PPP2R2A: variants seen among roughly 807,000 people sequenced by gnomAD.
The protein encoded by PPP2R2A is protein phosphatase 2 regulatory subunit Balpha.
In PPP2R2A, 9 loss-of-function variants were observed where a neutral mutation model predicts 53.2. That is an observed-to-expected ratio of 0.17 (90% CI 0.10 to 0.30). The LOEUF is 0.30. Ranked by LOEUF, PPP2R2A falls within the 10% of genes least tolerant of loss-of-function variation. The pLI is 1.00. For missense variants in PPP2R2A, 235 were observed against 534.6 expected (o/e 0.44, Z 5.53); for synonymous variants, 169 against 174.2 (o/e 0.97, Z 0.23).
intron 3 of PPP2R2A, among the ~76,000 whole-genome samples, chr8:26,348,235 A>C (rs1236759355): frequency 6.6e-6 from 1 of 152,190 alleles, no homozygotes; most frequent in African/African-American, 2.4e-5. Flanking sequence ...ATTTTCTTAA[A>C]TTTTTAAATT....
Position 26,354,536 on chromosome 8 carries a change from G to A in PPP2R2A, c.249G>A (p.Glu83=). ...VYSTFQSHEP[E]FDYLKSLEIE... is the part of the protein sequence containing the mutation. The stretch of plus-strand genomic sequence containing the variant: ...GCACCTTCCAGAGCCATGAACCAGA[G>A]TTTGACTACTTGAAAAGTTTAGAAA... Residue 83 remains glutamate (E), a synonymous_variant, in exon 4 of 10, where the codon GAG becomes GAA. Coordinates refer to ENST00000380737, the MANE Select transcript of PPP2R2A (RefSeq NM_002717.4). The surrounding 1 kb of genome is among the most constrained non-coding windows in gnomAD (Gnocchi z 4.6). The A allele has an allele frequency of 6.2e-7, 1 of 1,609,634 alleles. No individual in the cohort carries two copies. Among genetic ancestry groups the A allele is most frequent in the Non-Finnish European group, 8.5e-7 (1 of 1,176,998 alleles).
Position 26,293,922 on chromosome 8 carries a change from C to T in PPP2R2A, c.82+182C>T, listed in dbSNP as rs565781985. The stretch of plus-strand genomic sequence containing the variant: ...AGCCTTAAATTTCATTTGTTATTTA[C>T]GCCTTGTTTTTATTATTTTTTCCTC... On this transcript the variant is annotated intron_variant, in intron 2 of 9. Transcript: ENST00000380737. The T allele has an allele frequency of 1.9e-3, 1,116 of 595,814 alleles. 5 individuals carry two copies. Among genetic ancestry groups the T allele is most frequent in the Non-Finnish European group, 2.7e-3 (914 of 344,062 alleles). The allele number at this position is 595,814 out of a possible 1,614,324, so 36.9% of individuals were successfully genotyped here.
At chr8:26,325,242 G>T (rs1387903139) in intron 2 of PPP2R2A, among the ~76,000 whole-genome samples, 1 of 151,782 alleles carries the variant, frequency 6.6e-6, no homozygotes, top group Non-Finnish European at 1.5e-5. Flanking sequence ...CCCATGGGGG[G>T]GTAATTGAAT....
At chr8:26,312,099 A>G (rs748711414) in intron 2 of PPP2R2A, among the ~76,000 whole-genome samples, 1 of 152,226 alleles carries the variant, frequency 6.6e-6, no homozygotes, top group Non-Finnish European at 1.5e-5. Context: ...CTTTTATCAG[A>G]GTTTCAAGTA....
In PPP2R2A at chr8:26,354,499, A is replaced by T; in HGVS notation, c.212A>T (p.Tyr71Phe). The T allele has an allele frequency of 6.3e-7, 1 of 1,597,520 alleles. No individual in the cohort carries two copies. The highest frequency in any genetic ancestry group is 1.1e-5 in the South Asian group (1 of 88,238). Residue 71 changes from tyrosine to phenylalanine, a missense_variant, in exon 4 of 10, where the codon TAT (tyrosine) becomes TTT (phenylalanine). Coordinates refer to ENST00000380737, the MANE Select transcript of PPP2R2A (RefSeq NM_002717.4). This position sits in a 1 kb window ranked among gnomAD's most constrained non-coding sequence, Gnocchi z 4.6. Reference sequence around the variant, plus strand: ...ATCCAGTCTCATAGCAGAGGAGAATATAATGTTTACAGCACCTTCCAGAGC... The same window carrying T: ...ATCCAGTCTCATAGCAGAGGAGAATTTAATGTTTACAGCACCTTCCAGAGC... ...NKIQSHSRGE[Y>F]NVYSTFQSHE...
chr8:26,291,891 C>G, intron 1 of PPP2R2A, 65 bp downstream of exon 1: 2 of 1,592,700 alleles, frequency 1.3e-6, no homozygotes, highest in East Asian at 2.3e-5. Context: ...CTCCATCACC[C>G]CCTAGCGACC....
intron 2 of PPP2R2A, 33 bp downstream of exon 2, chr8:26,293,773 A>G (rs745805843): frequency 6.9e-6 from 11 of 1,594,432 alleles, no homozygotes; most frequent in Non-Finnish European, 9.5e-6. Flanking sequence ...ATTTGGATAT[A>G]TAATTTTTGC....
At chr8:26,347,026 AACTTT>A (rs1161433015) in intron 3 of PPP2R2A, among the ~76,000 whole-genome samples, 1 of 152,218 alleles carries the variant, frequency 6.6e-6, no homozygotes, top group Non-Finnish European at 1.5e-5. Context: ...CTAATATTTG[AACTTT>A]ACTTGCTTTT....
At chr8:26,320,842 A>G (rs911615920) in intron 2 of PPP2R2A, among the ~76,000 whole-genome samples, 2 of 152,170 alleles carry the variant, frequency 1.3e-5, no homozygotes, top group African/African-American at 2.4e-5. Context: ...TTATCCAACA[A>G]TAGAATTGAA....
intron 2 of PPP2R2A, among the ~76,000 whole-genome samples, chr8:26,330,173 T>C (rs1275575271): frequency 6.6e-6 from 1 of 152,216 alleles, no homozygotes; most frequent in Non-Finnish European, 1.5e-5. Context: ...TCTTGATATT[T>C]TCCACTACAG....
chr8:26,345,199 A>C (rs780433625), intron 3 of PPP2R2A, among the ~76,000 whole-genome samples: 2 of 152,200 alleles, frequency 1.3e-5, no homozygotes, highest in Admixed American at 6.5e-5. Flanking sequence ...CACCAAAAAC[A>C]ACTCCAAATC....
chr8:26,300,630 C>T (rs1801738287), intron 2 of PPP2R2A, among the ~76,000 whole-genome samples: 1 of 152,106 alleles, frequency 6.6e-6, no homozygotes, highest in Non-Finnish European at 1.5e-5. Flanking sequence ...CGGAGGCAGG[C>T]AGATCACGAG....
intron 2 of PPP2R2A, among the ~76,000 whole-genome samples, chr8:26,313,182 C>T (rs749738395): frequency 6.6e-6 from 1 of 151,776 alleles, no homozygotes; most frequent in African/African-American, 2.4e-5. Context: ...TACAGATGCG[C>T]GCCACCATGC....
Position 26,360,800 on chromosome 8 carries a change from T to G in PPP2R2A, c.460-174T>G, listed in dbSNP as rs868655851. 1.8e-6 allele frequency: 1 copy of G among 566,396 alleles called. No individual in the cohort carries two copies. Among genetic ancestry groups the G allele is most frequent in the Non-Finnish European group, 2.9e-6 (1 of 340,936 alleles). 35.1% of individuals were successfully genotyped at this position (566,396 alleles called of 1,614,324 possible). On this transcript the variant is annotated intron_variant, in intron 5 of 9. Coordinates refer to ENST00000380737, the MANE Select transcript of PPP2R2A (RefSeq NM_002717.4). The surrounding 1 kb of genome is among the most constrained non-coding windows in gnomAD (Gnocchi z 4.5). ...GAAGATATATTATCCACATTGTTCATTTTTTCTTCAGCACTCGAAAGGATC... is the reference window on the plus strand; with the variant it reads ...GAAGATATATTATCCACATTGTTCAGTTTTTCTTCAGCACTCGAAAGGATC...
rs71850936 is a variant in PPP2R2A, at chr8:26,321,294, AAGAGAAATGTGACC to A, written c.83-17581_83-17568del. Reference sequence around the variant, plus strand: ...GATTGAAAACTAAATGGCTCTTACCAAGAGAAATGTGACCAGAGAAATGTGACCTGAGAGAGAAG... The same window carrying A: ...GATTGAAAACTAAATGGCTCTTACCAAGAGAAATGTGACCTGAGAGAGAAG... On this transcript the variant is annotated intron_variant, in intron 2 of 9. Coordinates refer to ENST00000380737, the MANE Select transcript of PPP2R2A (RefSeq NM_002717.4). This position sits in a 1 kb window ranked among gnomAD's most constrained non-coding sequence, Gnocchi z 4.1. Among the ~76,000 whole-genome samples the A allele has an allele frequency of 0.23, 35,188 of 152,036 alleles. 5,059 individuals are homozygous for A. The highest frequency in any genetic ancestry group is 0.32 in the Non-Finnish European group (21,403 of 67,924).
intron 2 of PPP2R2A, among the ~76,000 whole-genome samples, chr8:26,308,901 C>T (rs1359183078): frequency 6.6e-6 from 1 of 152,016 alleles, no homozygotes. Flanking sequence ...GTCTCTGTTG[C>T]CCAGGCTGCA....
chr8:26,298,896 AAT>A (rs1801659108), intron 2 of PPP2R2A, among the ~76,000 whole-genome samples: 1 of 152,258 alleles, frequency 6.6e-6, no homozygotes, highest in African/African-American at 2.4e-5. Flanking sequence ...TGATTTTGAT[AAT>A]GTGTTTAAAT....
In PPP2R2A at chr8:26,338,835, A is replaced by G; in HGVS notation, c.83-55A>G. 8.0e-7 allele frequency: 1 copy of G among 1,251,474 alleles called. No homozygotes were observed. The allele number at this position is 1,251,474 out of a possible 1,614,324, so 77.5% of individuals were successfully genotyped here. A position where few individuals can be genotyped will look rare whatever the true frequency, so the allele number is the denominator to read the frequency against. Reference sequence around the variant, plus strand: ...GGAAAACACGCTAAGTTCTGAAACTAGTGAGTCGGGAAAGAAAAACTAATA... The same window carrying G: ...GGAAAACACGCTAAGTTCTGAAACTGGTGAGTCGGGAAAGAAAAACTAATA... On this transcript the variant is annotated intron_variant, in intron 2 of 9. Coordinates refer to ENST00000380737, the MANE Select transcript of PPP2R2A (RefSeq NM_002717.4). This position sits in a 1 kb window ranked among gnomAD's most constrained non-coding sequence, Gnocchi z 4.5.
chr8:26,303,278 A>G (rs938487593), intron 2 of PPP2R2A, among the ~76,000 whole-genome samples: 5 of 152,200 alleles, frequency 3.3e-5, no homozygotes, highest in African/African-American at 4.8e-5. Flanking sequence ...ATTAAATACC[A>G]GTAACATATT....
Sources: gnomAD v4.1 joint callset for allele counts (sites outside exome capture counted in the v4.1 genomes callset) on GRCh38, gnomAD v4.1.1 for gene constraint, Gnocchi (gnomAD v3.1) non-coding constraint, MANE v1.5 for transcripts, NCBI Gene and HGNC (gene_info 2026-07-23, HGNC 2026-07-21) for gene names.